SPAG16: variants seen among roughly 807,000 people sequenced by gnomAD.
SPAG16 encodes sperm-associated antigen 16 protein.
In SPAG16, 86 loss-of-function variants were observed where a neutral mutation model predicts 80.4. That is an observed-to-expected ratio of 1.07 (90% CI 0.90 to 1.28). SPAG16 has a LOEUF of 1.28. Among genes scored for constraint, SPAG16 ranks in the 50% most tolerant of loss-of-function variants. The pLI, the probability that SPAG16 is intolerant of heterozygous loss-of-function variation, is 0.00. For synonymous variants in SPAG16, 294 were observed against 265.9 expected (o/e 1.11, Z -1.03); for missense variants, 870 against 765.3 (o/e 1.14, Z -1.61).
chr2:214,102,109 G>GTTTTT (rs763808594), intron 13 of SPAG16, among the ~76,000 whole-genome samples: 2 of 96,602 alleles, frequency 2.1e-5, no homozygotes, highest in Non-Finnish European at 4.4e-5. Context: ...GGTGAGGGTG[G>GTTTTT]TTTTTTGTTT....
chr2:214,023,379 G>T (rs549492127), intron 13 of SPAG16, among the ~76,000 whole-genome samples: 2 of 150,324 alleles, frequency 1.3e-5, no homozygotes, highest in Non-Finnish European at 3.0e-5. Context: ...TATTTGAGTG[G>T]CTATCAATTG....
intron 10 of SPAG16, among the ~76,000 whole-genome samples, chr2:213,596,877 T>G (rs1192109775): frequency 1.3e-5 from 2 of 151,646 alleles, no homozygotes; most frequent in African/African-American, 2.4e-5. Flanking sequence ...CCCCTCCTAG[T>G]TTTTTTTTCT....
intron 15 of SPAG16, among the ~76,000 whole-genome samples, chr2:214,400,707 C>T (rs1280802403): frequency 1.3e-5 from 2 of 152,006 alleles, no homozygotes; most frequent in African/African-American, 4.8e-5. Flanking sequence ...ACATTCCATA[C>T]CAAGTTCACA....
At chr2:213,882,183 C>T (rs777259932) in intron 11 of SPAG16, among the ~76,000 whole-genome samples, 14 of 152,174 alleles carry the variant, frequency 9.2e-5, no homozygotes, top group Non-Finnish European at 1.8e-4. Context: ...ATAAAGCCTA[C>T]TACATCATGG....
intron 9 of SPAG16, among the ~76,000 whole-genome samples, chr2:213,480,494 C>T (rs1414261726): frequency 6.6e-6 from 1 of 152,190 alleles, no homozygotes; most frequent in East Asian, 1.9e-4. Context: ...TTGACATTTA[C>T]TCAGAGTAAT....
At chr2:214,018,346 G>T (rs886477636) in intron 13 of SPAG16, among the ~76,000 whole-genome samples, 2 of 151,984 alleles carry the variant, frequency 1.3e-5, no homozygotes, top group African/African-American at 4.8e-5. Context: ...ACAAAGACAC[G>T]TGTTATATGT....
At chr2:213,346,752 C>G (rs1433437207) in intron 6 of SPAG16, among the ~76,000 whole-genome samples, 1 of 152,106 alleles carries the variant, frequency 6.6e-6, no homozygotes, top group African/African-American at 2.4e-5. Context: ...GATGGATAAG[C>G]TTTTTGATGT....
At chr2:214,230,010 A>G (rs1688580491) in intron 15 of SPAG16, among the ~76,000 whole-genome samples, 1 of 151,938 alleles carries the variant, frequency 6.6e-6, no homozygotes, top group South Asian at 2.1e-4. Flanking sequence ...AAAAATAAAC[A>G]GGCAAACACC....
intron 15 of SPAG16, among the ~76,000 whole-genome samples, chr2:214,198,074 G>T (rs1326485400): frequency 6.6e-6 from 1 of 151,906 alleles, no homozygotes; most frequent in African/African-American, 2.4e-5. Flanking sequence ...TAGCAGAATT[G>T]ACCTCTTTTA....
intron 15 of SPAG16, among the ~76,000 whole-genome samples, chr2:214,404,574 TC>T (rs1302617902): frequency 6.6e-6 from 1 of 152,188 alleles, no homozygotes; most frequent in Non-Finnish European, 1.5e-5. Flanking sequence ...ATTTTGAGAA[TC>T]ATTTCAGTGG....
At position 214,379,139 on chromosome 2, in the gene SPAG16, A is replaced by C. The variant is rs760266121; in HGVS notation, c.1721-31001A>C. On this transcript the variant is annotated intron_variant, in intron 15 of 15. Coordinates refer to ENST00000331683, the MANE Select transcript of SPAG16 (RefSeq NM_024532.5). ...TTTGAAAACTGCTAACTCTTCATAC[A>C]TTTCTACATATACTTTACTGCATTC... 3.9e-5 allele frequency among the ~76,000 whole-genome samples: 6 copies of C among 152,174 alleles called. No individual in the cohort carries two copies. The South Asian group carries it at 6.2e-4, about 16-fold the overall frequency.
At chr2:213,737,890 G>T (rs1197635738) in intron 10 of SPAG16, among the ~76,000 whole-genome samples, 2 of 152,072 alleles carry the variant, frequency 1.3e-5, no homozygotes, top group Non-Finnish European at 2.9e-5. Flanking sequence ...TGCCCCAGTT[G>T]TGTCTCTTTT....
intron 15 of SPAG16, among the ~76,000 whole-genome samples, chr2:214,398,329 A>G (rs1338596796): frequency 6.6e-6 from 1 of 152,184 alleles, no homozygotes; most frequent in African/African-American, 2.4e-5. Context: ...ACTTTCCTTC[A>G]CTTGCAACTG....
intron 13 of SPAG16, among the ~76,000 whole-genome samples, chr2:214,043,446 C>T (rs1283259120): frequency 6.6e-6 from 1 of 152,092 alleles, no homozygotes; most frequent in South Asian, 2.1e-4. Flanking sequence ...ACTCAACCCC[C>T]CAAAAGGAAA....
intron 12 of SPAG16, among the ~76,000 whole-genome samples, chr2:213,952,426 CAT>C (rs1220287587): frequency 6.6e-6 from 1 of 151,802 alleles, no homozygotes. Context: ...AAAATAAAAA[CAT>C]ATAAATAAAA....
intron 15 of SPAG16, among the ~76,000 whole-genome samples, chr2:214,187,431 A>G (rs2057515606): frequency 6.6e-6 from 1 of 152,142 alleles, no homozygotes; most frequent in Non-Finnish European, 1.5e-5. Flanking sequence ...TTCCTTAGCT[A>G]TGATTATTAA....
chr2:213,543,414 G>A (rs971950617), intron 10 of SPAG16, among the ~76,000 whole-genome samples: 2 of 151,740 alleles, frequency 1.3e-5, no homozygotes, highest in Non-Finnish European at 2.9e-5. Flanking sequence ...TTTATTGAAT[G>A]GAAATGTTTA....
At chr2:214,325,838 A>G (rs1696438417) in intron 15 of SPAG16, among the ~76,000 whole-genome samples, 1 of 152,178 alleles carries the variant, frequency 6.6e-6, no homozygotes, top group Non-Finnish European at 1.5e-5. Context: ...AAATAGAGAT[A>G]TTGATTTTAA....
chr2:214,016,057 T>C (rs1451628803), intron 13 of SPAG16, among the ~76,000 whole-genome samples: 1 of 152,066 alleles, frequency 6.6e-6, no homozygotes, highest in African/African-American at 2.4e-5. Context: ...TGTCTAGGAA[T>C]GAGGGTTTTC....
Sources: allele counts gnomAD v4.1 joint callset (sites outside exome capture counted in the v4.1 genomes callset), GRCh38; gene constraint gnomAD v4.1.1; transcripts MANE v1.5; gene names NCBI Gene and HGNC (gene_info 2026-07-23, HGNC 2026-07-21).